TGFB1I1: variants seen among roughly 807,000 people sequenced by gnomAD.
The protein encoded by TGFB1I1 is transforming growth factor beta-1-induced transcript 1 protein.
In TGFB1I1, 33 loss-of-function variants were observed where a neutral mutation model predicts 52.0. The observed-to-expected ratio is 0.63, with a 90% CI of 0.48 to 0.85. The LOEUF (loss-of-function observed/expected upper bound fraction) is 0.85. Among genes scored for constraint, TGFB1I1 ranks in the 40% least tolerant of loss-of-function variants. The pLI is 0.00. For synonymous variants in TGFB1I1, 236 were observed against 253.3 expected (o/e 0.93, Z 0.65); for missense variants, 577 against 614.9 (o/e 0.94, Z 0.65).
chr16:31,474,290 G>T lies in TGFB1I1; in HGVS notation c.413+51G>T. 1 of 1,613,636 alleles carries T rather than the reference G, an allele frequency of 6.2e-7. No individual in the cohort carries two copies. The highest frequency in any genetic ancestry group is 8.5e-7 in the Non-Finnish European group (1 of 1,179,592). The stretch of plus-strand genomic sequence containing the variant: ...TGAGAGATGAGTCCTGGATATCTGA[G>T]TCACTAGAGGGAGCGTTGCTCTGGG... On this transcript the variant is annotated intron_variant, in intron 5 of 10. Coordinates refer to ENST00000394863, the MANE Select transcript of TGFB1I1 (RefSeq NM_001042454.3). The surrounding 1 kb of genome is among the most constrained non-coding windows in gnomAD (Gnocchi z 4.2).
rs2082426096 is a variant in TGFB1I1, at chr16:31,476,679, C to A, written c.970+117C>A. On this transcript the variant is annotated intron_variant, in intron 9 of 10. Transcript: ENST00000394863. The surrounding 1 kb of genome is among the most constrained non-coding windows in gnomAD (Gnocchi z 7.6). ...GGTTTTCCTTCTGCTCTCTTCTGGC[C>A]CTGCCCTCTCCTACACAGACTCCGG... 7.0e-7 allele frequency: 1 copy of A among 1,421,502 alleles called. No individual in the cohort carries two copies. Among genetic ancestry groups the A allele is most frequent in the African/African-American group, 1.4e-5 (1 of 70,970 alleles). 88.1% of individuals were successfully genotyped at this position (1,421,502 alleles called of 1,614,324 possible).
At chr16:31,472,315 C>T (rs1468046730) in intron 1 of TGFB1I1, 114 bp downstream of exon 1, 81 of 1,353,536 alleles carry the variant, frequency 6.0e-5, no homozygotes, top group Non-Finnish European at 7.6e-5. Context: ...TGCTTTTCGC[C>T]TCTGCCCGCG....
rs775353255 is a variant in TGFB1I1, at chr16:31,474,001, C to G, written c.325+24C>G. 5.9e-6 allele frequency: 9 copies of G among 1,527,262 alleles called. No homozygotes were observed. The highest frequency in any genetic ancestry group is 8.1e-6 in the Non-Finnish European group (9 of 1,112,814). The allele number at this position is 1,527,262 out of a possible 1,614,324, so 94.6% of individuals were successfully genotyped here. ...AGGTACCAGGGTGACTGAGAGAGGC[C>G]TTGATGCGATAGGGGCAGGGGAGGG... On this transcript the variant is annotated intron_variant, in intron 4 of 10. Transcript: ENST00000394863. The surrounding 1 kb of genome is among the most constrained non-coding windows in gnomAD (Gnocchi z 4.2).
rs2082432659 is a variant in TGFB1I1 at position 31,477,356 on chromosome 16, G to T, written c.1166G>T (p.Gly389Val). Residue 389 changes from glycine to valine, a missense_variant, in exon 11 of 11, where the codon GGC (glycine) becomes GTC (valine). This residue lies in a region of TGFB1I1 where 456 missense variants were observed against 461.6 expected (regional missense o/e 0.99). Transcript: ENST00000394863. The surrounding 1 kb of genome is among the most constrained non-coding windows in gnomAD (Gnocchi z 4.7). The stretch of plus-strand genomic sequence containing the variant: ...GGAGGCAGCTTTTTCGAGCACGAGG[G>T]CCGCCCGTTGTGCGAGAACCACTTC... ...FSGGSFFEHEGRPLCENHFHA... is the reference protein window; with the variant it reads ...FSGGSFFEHEVRPLCENHFHA... The T allele has an allele frequency of 6.2e-7, 1 of 1,611,882 alleles. No individual in the cohort carries two copies. Among genetic ancestry groups the T allele is most frequent in the Non-Finnish European group, 8.5e-7 (1 of 1,179,248 alleles).
rs2082426876 is a variant in TGFB1I1 at position 31,476,803 on chromosome 16, G to T, written c.971-59G>T. ...CCTTCGGCCCCAGATCTCAGGTCTT[G>T]TGGGTCCCCCGTCCCGCCCGCACCC... On this transcript the variant is annotated intron_variant, in intron 9 of 10. Transcript: ENST00000394863. This position sits in a 1 kb window ranked among gnomAD's most constrained non-coding sequence, Gnocchi z 7.6. 2 of 1,603,192 alleles carry T rather than the reference G, an allele frequency of 1.2e-6. No individual in the cohort carries two copies. Among genetic ancestry groups the T allele is most frequent in the Non-Finnish European group, 8.5e-7 (1 of 1,176,762 alleles).
At chr16:31,475,872 CT>C in intron 7 of TGFB1I1, 139 bp from the exon 8 acceptor site, 1 of 930,518 alleles carries the variant, frequency 1.1e-6, no homozygotes, top group Non-Finnish European at 1.6e-6. Context: ...ATCTCCATCG[CT>C]TACAGGCTGC....
Position 31,477,220 on chromosome 16 carries a change from G to A in TGFB1I1, c.1120-90G>A. 6.6e-7 allele frequency: 1 copy of A among 1,510,286 alleles called. No homozygotes were observed. Among genetic ancestry groups the A allele is most frequent in the Non-Finnish European group, 8.9e-7 (1 of 1,123,580 alleles). 93.6% of individuals were successfully genotyped at this position (1,510,286 alleles called of 1,614,324 possible). A position where few individuals can be genotyped will look rare whatever the true frequency, so the allele number is the denominator to read the frequency against. On this transcript the variant is annotated intron_variant, in intron 10 of 10. Coordinates refer to ENST00000394863, the MANE Select transcript of TGFB1I1 (RefSeq NM_001042454.3). This position sits in a 1 kb window ranked among gnomAD's most constrained non-coding sequence, Gnocchi z 4.7. ...ATTCTTCGCGTCTAGGGCGGGCTGCGGGGTCCCAGGGCGTTATCCGCTAGT... is the reference window on the plus strand; with the variant it reads ...ATTCTTCGCGTCTAGGGCGGGCTGCAGGGTCCCAGGGCGTTATCCGCTAGT...
Position 31,477,109 on chromosome 16 carries a change from C to T in TGFB1I1, c.1119+99C>T. 3.8e-6 allele frequency: 2 copies of T among 528,140 alleles called. No individual in the cohort carries two copies. The highest frequency in any genetic ancestry group is 2.0e-5 in the South Asian group (1 of 48,908). The allele number at this position is 528,140 out of a possible 1,614,324, so 32.7% of individuals were successfully genotyped here. On this transcript the variant is annotated intron_variant, in intron 10 of 10. Transcript: ENST00000394863. The surrounding 1 kb of genome is among the most constrained non-coding windows in gnomAD (Gnocchi z 4.7). ...CGGGTCAAGGGTGCAGGGCAGGGGG[C>T]GGGCCCTCGGGGGGGCGGGTCACGG...
rs778377190 is a variant in TGFB1I1, at chr16:31,477,321, G to A, written c.1131G>A (p.Ala377=). ...PDCFVCRECF[A]PFSGGSFFEH... is the part of the protein sequence containing the mutation. Reference sequence around the variant, plus strand: ...CTTCCCTTCCCCAGGAATGCTTCGCGCCCTTCTCGGGAGGCAGCTTTTTCG... The same window carrying A: ...CTTCCCTTCCCCAGGAATGCTTCGCACCCTTCTCGGGAGGCAGCTTTTTCG... The change falls in exon 11 of 11, where the codon GCG becomes GCA. Residue 377 remains alanine (A), a synonymous_variant. Transcript: ENST00000394863. This position sits in a 1 kb window ranked among gnomAD's most constrained non-coding sequence, Gnocchi z 4.7. 2 of 1,606,742 alleles carry A rather than the reference G, an allele frequency of 1.2e-6. No homozygotes were observed. The highest frequency in any genetic ancestry group is 4.5e-5 in the East Asian group (2 of 44,594).
chr16:31,477,581 C>T lies in TGFB1I1; in HGVS notation c.*5C>T, dbSNP rs758052131. 50 of 1,594,636 alleles carry T rather than the reference C, an allele frequency of 3.1e-5. No homozygotes were observed. Among genetic ancestry groups the T allele is most frequent in the Admixed American group, 1.0e-4 (6 of 58,382 alleles). On this transcript the variant is annotated 3_prime_UTR_variant, in exon 11 of 11. Coordinates refer to ENST00000394863, the MANE Select transcript of TGFB1I1 (RefSeq NM_001042454.3). This position sits in a 1 kb window ranked among gnomAD's most constrained non-coding sequence, Gnocchi z 4.7. Reference sequence around the variant, plus strand: ...TTCCTGAAGCTCTTCGGCTGACAGCCCGCTCGGCTCGCCCTCTCCCCCGGA... The same window carrying T: ...TTCCTGAAGCTCTTCGGCTGACAGCTCGCTCGGCTCGCCCTCTCCCCCGGA...
rs45455600 is a variant in TGFB1I1, at chr16:31,477,186, C to A, written c.1120-124C>A. On this transcript the variant is annotated intron_variant, in intron 10 of 10. Transcript: ENST00000394863. The surrounding 1 kb of genome is among the most constrained non-coding windows in gnomAD (Gnocchi z 4.7). ...GGCGAGTTTTCCGGGCAGGGTCCCA[C>A]CGGACGGGATTCTTCGCGTCTAGGG... 7.2e-5 allele frequency: 105 copies of A among 1,455,074 alleles called. 1 individual carries two copies. The Middle Eastern group carries it at 4.5e-3, about 62-fold the overall frequency. 90.1% of individuals were successfully genotyped at this position (1,455,074 alleles called of 1,614,324 possible).
chr16:31,476,255 C>T lies in TGFB1I1; in HGVS notation c.888+70C>T. ...AGAGCTGTGGGACGGGCCTCCACCG[C>T]ATGGGTCCCGCCCCACCCGCGATAC... On this transcript the variant is annotated intron_variant, in intron 8 of 10. Transcript: ENST00000394863. This position sits in a 1 kb window ranked among gnomAD's most constrained non-coding sequence, Gnocchi z 7.6. The T allele has an allele frequency of 1.3e-6, 2 of 1,562,560 alleles. No individual in the cohort carries two copies. The highest frequency in any genetic ancestry group is 1.7e-6 in the Non-Finnish European group (2 of 1,154,464).
chr16:31,473,305 G>T, intron 1 of TGFB1I1, 136 bp from the exon 2 acceptor site: 1 of 1,443,674 alleles, frequency 6.9e-7, no homozygotes, highest in Non-Finnish European at 9.1e-7. Context: ...TTCGAGCAGT[G>T]CTCTGCCTGG....
chr16:31,475,969 G>T, intron 7 of TGFB1I1, 43 bp from the exon 8 acceptor site: 1 of 1,579,912 alleles, frequency 6.3e-7, no homozygotes. Context: ...CTGGGCATGT[G>T]GTTGTCAGAG....
Position 31,474,269 on chromosome 16 carries a change from AG to A in TGFB1I1, c.413+31del. 1 of 1,612,952 alleles carries A rather than the reference AG, an allele frequency of 6.2e-7. No homozygotes were observed. Among genetic ancestry groups the A allele is most frequent in the Non-Finnish European group, 8.5e-7 (1 of 1,178,982 alleles). On this transcript the variant is annotated intron_variant, in intron 5 of 10. Coordinates refer to ENST00000394863, the MANE Select transcript of TGFB1I1 (RefSeq NM_001042454.3). This position sits in a 1 kb window ranked among gnomAD's most constrained non-coding sequence, Gnocchi z 4.2. ...GTTTGGCGTCGTTGTCAGGGCTGAGAGATGAGTCCTGGATATCTGAGTCACT... is the reference window on the plus strand; with the variant it reads ...GTTTGGCGTCGTTGTCAGGGCTGAGAATGAGTCCTGGATATCTGAGTCACT...
Position 31,474,827 on chromosome 16 carries a change from T to C in TGFB1I1, c.714+70T>C, listed in dbSNP as rs1007926910. 7.1e-7 allele frequency: 1 copy of C among 1,417,248 alleles called. No individual in the cohort carries two copies. Among genetic ancestry groups the C allele is most frequent in the Non-Finnish European group, 9.7e-7 (1 of 1,034,802 alleles). The allele number at this position is 1,417,248 out of a possible 1,614,324, so 87.8% of individuals were successfully genotyped here. On this transcript the variant is annotated intron_variant, in intron 7 of 10. Coordinates refer to ENST00000394863, the MANE Select transcript of TGFB1I1 (RefSeq NM_001042454.3). This position sits in a 1 kb window ranked among gnomAD's most constrained non-coding sequence, Gnocchi z 4.2. ...CCCATCTTTAGTGAGAGCTGGGCTT[T>C]ATGCTGTTCCCTTTTAGTAAGTTAA...
In TGFB1I1 at chr16:31,476,472, T is replaced by A. The variant is rs764891812; in HGVS notation, c.889-9T>A. 2 of 1,610,824 alleles carry A rather than the reference T, an allele frequency of 1.2e-6. No individual in the cohort carries two copies. Among genetic ancestry groups the A allele is most frequent in the South Asian group, 2.2e-5 (2 of 90,108 alleles). On this transcript the variant is annotated splice_polypyrimidine_tract_variant and intron_variant, in intron 8 of 10. Transcript: ENST00000394863. This position sits in a 1 kb window ranked among gnomAD's most constrained non-coding sequence, Gnocchi z 7.6. ...GAGGCCGCGCTGAGTGCCCTCTCCC[T>A]CCCTGCAGAAGATGGTGACCGCCTT...
chr16:31,473,660 C>A (rs1477848598), intron 2 of TGFB1I1, 22 bp from the exon 3 acceptor site: 3 of 1,575,820 alleles, frequency 1.9e-6, no homozygotes, highest in Non-Finnish European at 2.6e-6. Context: ...TGTCATCCCA[C>A]CTGTGCGTCT....
In TGFB1I1 at chr16:31,474,418, T is replaced by G. The variant is rs1433589698; in HGVS notation, c.482T>G (p.Leu161Arg). The change falls in exon 6 of 11, where the codon CTG (leucine) becomes CGG (arginine). Residue 161 changes from leucine (L) to arginine (R), a missense_variant. Leu to Arg is a moderately radical substitution (Grantham distance 102). Coordinates refer to ENST00000394863, the MANE Select transcript of TGFB1I1 (RefSeq NM_001042454.3). This position sits in a 1 kb window ranked among gnomAD's most constrained non-coding sequence, Gnocchi z 4.2. ...TCAGCCACTCTGGAGCTGGATAGACTGATGGCCTCACTCTCTGACTTCCGC... is the reference window on the plus strand; with the variant it reads ...TCAGCCACTCTGGAGCTGGATAGACGGATGGCCTCACTCTCTGACTTCCGC... The part of the protein sequence containing the change: ...ATSATLELDR[L>R]MASLSDFRVQ... 2 of 1,614,226 alleles carry G rather than the reference T, an allele frequency of 1.2e-6. No homozygotes were observed. Among genetic ancestry groups the G allele is most frequent in the Admixed American group, 3.3e-5 (2 of 60,022 alleles).
Sources: allele counts gnomAD v4.1 joint callset, GRCh38; gene constraint gnomAD v4.1.1; regional missense constraint gnomAD v4.1.1; non-coding constraint Gnocchi (gnomAD v3.1); transcripts MANE v1.5; gene names NCBI Gene and HGNC (gene_info 2026-07-23, HGNC 2026-07-21).